Variants in ATXN1 observed in about 807,000 individuals in gnomAD.
ATXN1 encodes ataxin-1.
ATXN1 carries 8 observed loss-of-function variants against 56.4 expected under a neutral mutation model. The ratio of observed to expected loss-of-function variants is 0.14; its 90% CI spans 0.08 to 0.26. The LOEUF (loss-of-function observed/expected upper bound fraction) is 0.26. ATXN1 is among the 10% of genes least tolerant of loss of function. The pLI, the probability that ATXN1 is intolerant of heterozygous loss-of-function variation, is 1.00. For missense variants in ATXN1, 987 were observed against 1,106.5 expected, an observed-to-expected ratio of 0.89 and a Z score of 1.53; for synonymous variants, 514 against 494.6, an observed-to-expected ratio of 1.04 and a Z score of -0.52.
intron 4 of ATXN1, among the ~76,000 whole-genome samples, chr6:16,539,148 T>G (rs528722549): frequency 6.6e-6 from 1 of 152,358 alleles, no homozygotes; most frequent in African/African-American, 2.4e-5. Context: ...TTAGAAACTC[T>G]TAATCACAGG....
At chr6:16,724,571 T>C (rs927788096) in intron 2 of ATXN1, among the ~76,000 whole-genome samples, 1 of 152,144 alleles carries the variant, frequency 6.6e-6, no homozygotes, top group Non-Finnish European at 1.5e-5. Flanking sequence ...ACAACCTTGC[T>C]CTGCTCTAAA....
At chr6:16,619,919 A>C in intron 3 of ATXN1, among the ~76,000 whole-genome samples, 1 of 151,546 alleles carries the variant, frequency 6.6e-6, no homozygotes, top group Non-Finnish European at 1.5e-5. Context: ...TAGCTCTATC[A>C]CTTTAAGATC....
At chr6:16,535,524 T>C (rs1358346902) in intron 4 of ATXN1, among the ~76,000 whole-genome samples, 1 of 152,140 alleles carries the variant, frequency 6.6e-6, no homozygotes, top group Non-Finnish European at 1.5e-5. Flanking sequence ...TAGTACTGGA[T>C]TAGAACCTAA....
chr6:16,711,778 C>A (rs953941772), intron 2 of ATXN1, among the ~76,000 whole-genome samples: 1 of 151,820 alleles, frequency 6.6e-6, no homozygotes, highest in Non-Finnish European at 1.5e-5. Flanking sequence ...CCACTGCTGC[C>A]GCCTAGTTTT....
chr6:16,579,287 T>G (rs1762480090), intron 4 of ATXN1, among the ~76,000 whole-genome samples: 1 of 152,270 alleles, frequency 6.6e-6, no homozygotes, highest in East Asian at 1.9e-4. Flanking sequence ...ATGCAGCCAC[T>G]AAAATGCACG....
At chr6:16,405,331 G>A (rs1444717061) in intron 6 of ATXN1, among the ~76,000 whole-genome samples, 1 of 152,234 alleles carries the variant, frequency 6.6e-6, no homozygotes, top group Non-Finnish European at 1.5e-5. Flanking sequence ...TACGTAGTGA[G>A]AGTTAGGAAC....
chr6:16,401,279 T>C lies in ATXN1; in HGVS notation c.-160-72809A>G, dbSNP rs6911453. 9.8e-3 allele frequency among the ~76,000 whole-genome samples: 1,486 copies of C among 152,298 alleles called. 17 individuals are homozygous for C. Among genetic ancestry groups the C allele is most frequent in the Middle Eastern group, 0.017 (5 of 294 alleles). ...ACACAACATGGGAAGTCATTAATTG[T>C]TCTTCATAAAAGATTCAATGTGCCA... On this transcript the variant is annotated intron_variant, in intron 6 of 7. Transcript: ENST00000436367.
At chr6:16,622,850 TC>T (rs1273683069) in intron 3 of ATXN1, among the ~76,000 whole-genome samples, 15 of 152,290 alleles carry the variant, frequency 9.8e-5, no homozygotes, top group African/African-American at 3.4e-4. Flanking sequence ...TCCATGTCTT[TC>T]TAAGCTTCTA....
At position 16,603,579 on chromosome 6, in the gene ATXN1, C is replaced by T. The variant is rs116577166; in HGVS notation, c.-488-17672G>A. Among the ~76,000 whole-genome samples the T allele has an allele frequency of 5.5e-3, 843 of 152,256 alleles. 1 individual carries two copies. Among genetic ancestry groups the T allele is most frequent in the Admixed American group, 0.011 (163 of 15,282 alleles). The stretch of plus-strand genomic sequence containing the variant: ...GCCCCCACCATAAATGGGGTGAGCT[C>T]GCCAAAAGCTAGGCTTGACTTAGGC... On this transcript the variant is annotated intron_variant, in intron 3 of 7. Coordinates refer to ENST00000436367, the MANE Select transcript of ATXN1 (RefSeq NM_001128164.2).
intron 3 of ATXN1, among the ~76,000 whole-genome samples, chr6:16,609,716 C>T (rs1306099974): frequency 2.0e-5 from 3 of 152,150 alleles, no homozygotes; most frequent in African/African-American, 7.2e-5. Flanking sequence ...AAACTGGCAA[C>T]ATTGGGCTTA....
intron 6 of ATXN1, among the ~76,000 whole-genome samples, chr6:16,481,748 A>G (rs974703788): frequency 1.3e-5 from 2 of 152,138 alleles, no homozygotes; most frequent in Non-Finnish European, 2.9e-5. Context: ...CACTAGAATG[A>G]AGTGTTATTC....
At chr6:16,520,987 G>GTATT (rs2113694736) in intron 5 of ATXN1, among the ~76,000 whole-genome samples, 1 of 152,296 alleles carries the variant, frequency 6.6e-6, no homozygotes, top group East Asian at 1.9e-4. Flanking sequence ...TGACAAGTTG[G>GTATT]ATAAAATAAT....
chr6:16,613,271 C>CAAAAAAAAAAAAA (rs765813165), intron 3 of ATXN1, among the ~76,000 whole-genome samples: 38 of 52,506 alleles, frequency 7.2e-4, no homozygotes, highest in African/African-American at 2.4e-3. Flanking sequence ...GACTCCGTCT[C>CAAAAAAAAAAAAA]AAAAAAAAAA....
At chr6:16,566,001 G>A (rs754320824) in intron 4 of ATXN1, among the ~76,000 whole-genome samples, 32 of 152,104 alleles carry the variant, frequency 2.1e-4, no homozygotes, top group Non-Finnish European at 4.0e-4. Context: ...TATCAGAACT[G>A]TTAACTGCAT....
chr6:16,632,765 C>G (rs1222876654), intron 3 of ATXN1, among the ~76,000 whole-genome samples: 10 of 152,060 alleles, frequency 6.6e-5, no homozygotes. Flanking sequence ...CATCTGTAGT[C>G]CCAGCACTTT....
At chr6:16,435,908 T>C (rs1759378249) in intron 6 of ATXN1, among the ~76,000 whole-genome samples, 1 of 152,070 alleles carries the variant, frequency 6.6e-6, no homozygotes, top group Non-Finnish European at 1.5e-5. Flanking sequence ...CTTTTTCTTT[T>C]TTTTTTGGAG....
At chr6:16,675,375 G>A (rs1310259369) in intron 2 of ATXN1, among the ~76,000 whole-genome samples, 1 of 152,152 alleles carries the variant, frequency 6.6e-6, no homozygotes, top group Admixed American at 6.5e-5. Context: ...CATGACTGAG[G>A]ATCTAAGAGC....
At chr6:16,573,283 C>G (rs1424025877) in intron 4 of ATXN1, among the ~76,000 whole-genome samples, 3 of 151,822 alleles carry the variant, frequency 2.0e-5, no homozygotes, top group African/African-American at 7.2e-5. Context: ...GTTATGGACA[C>G]CAATAGTACC....
chr6:16,443,912 C>G (rs111400418), intron 6 of ATXN1, among the ~76,000 whole-genome samples: 13 of 152,140 alleles, frequency 8.5e-5, no homozygotes, highest in South Asian at 8.3e-4. Flanking sequence ...GTCAGGAGAT[C>G]GAGACCATCC....
Sources: allele counts gnomAD v4.1 joint callset (sites outside exome capture counted in the v4.1 genomes callset), GRCh38; gene constraint gnomAD v4.1.1; transcripts MANE v1.5; gene names NCBI Gene and HGNC (gene_info 2026-07-23, HGNC 2026-07-21).